ADGRG7: variants seen among roughly 807,000 people sequenced by gnomAD.
ADGRG7 encodes the protein G-protein coupled receptor 128.
ADGRG7 carries 82 observed loss-of-function variants against 88.6 expected under a neutral mutation model. That is an observed-to-expected ratio of 0.93 (90% confidence interval 0.77 to 1.11). The LOEUF (loss-of-function observed/expected upper bound fraction) is 1.11, where lower values mean the gene tolerates loss of function less well. Ranked by LOEUF, ADGRG7 falls within the 50% of genes most tolerant of loss-of-function variation. ADGRG7 has a pLI of 0.00. For missense variants in ADGRG7, 945 were observed against 953.4 expected, an observed-to-expected ratio of 0.99 and a Z score of 0.12; for synonymous variants, 381 against 345.2, an observed-to-expected ratio of 1.10 and a Z score of -1.15.
rs571602384 is a variant in ADGRG7, at chr3:100,620,233, G to T, written c.116-9365G>T. The stretch of plus-strand genomic sequence containing the variant: ...CCATGATCAAGTGGGCTTCATCCCT[G>T]GGATGCAAGGCTGGTTCAACATACG... On this transcript the variant is annotated intron_variant, in intron 1 of 15. Coordinates refer to ENST00000273352, the MANE Select transcript of ADGRG7 (RefSeq NM_032787.3). Among the ~76,000 whole-genome samples the T allele has an allele frequency of 1.9e-3, 287 of 152,290 alleles. 2 individuals carry two copies. The highest frequency in any genetic ancestry group is 6.6e-3 in the African/African-American group (275 of 41,556).
chr3:100,658,532 T>C (rs2094940597), intron 13 of ADGRG7, among the ~76,000 whole-genome samples: 1 of 152,202 alleles, frequency 6.6e-6, no homozygotes, highest in African/African-American at 2.4e-5. Context: ...CCACTTACTG[T>C]GGTTCAGCCA....
intron 15 of ADGRG7, among the ~76,000 whole-genome samples, chr3:100,685,651 T>G (rs1326853537): frequency 1.3e-5 from 2 of 152,180 alleles, no homozygotes; most frequent in Non-Finnish European, 2.9e-5. Flanking sequence ...TGCGATAGTT[T>G]GCTGAGAATG....
chr3:100,672,652 C>T (rs1051779899), intron 15 of ADGRG7, among the ~76,000 whole-genome samples: 20 of 152,252 alleles, frequency 1.3e-4, no homozygotes, highest in African/African-American at 4.3e-4. Context: ...AAAGGGAATG[C>T]TTCCAGTTTT....
chr3:100,631,582 G>A (rs748601501), intron 3 of ADGRG7, among the ~76,000 whole-genome samples: 6 of 152,118 alleles, frequency 3.9e-5, no homozygotes, highest in Non-Finnish European at 8.8e-5. Context: ...CAGGTAATTC[G>A]CTACTTCCTA....
intron 15 of ADGRG7, among the ~76,000 whole-genome samples, chr3:100,678,186 C>G (rs554329609): frequency 6.7e-4 from 102 of 152,052 alleles, no homozygotes; most frequent in Non-Finnish European, 1.0e-3. Context: ...ATTCTTTCTT[C>G]TGCTTGATTA....
intron 15 of ADGRG7, among the ~76,000 whole-genome samples, chr3:100,688,297 A>T (rs578043261): frequency 6.6e-6 from 1 of 152,178 alleles, no homozygotes; most frequent in East Asian, 1.9e-4. Flanking sequence ...CTAGTGGTCT[A>T]TCAATTTTGT....
intron 1 of ADGRG7, among the ~76,000 whole-genome samples, chr3:100,614,005 A>T (rs1005283087): frequency 6.6e-6 from 1 of 152,224 alleles, no homozygotes; most frequent in Non-Finnish European, 1.5e-5. Context: ...TTATGTGCAT[A>T]GTAGTAAACC....
rs944574813 is a variant in ADGRG7, at chr3:100,610,501, C to T, written c.115+530C>T. On this transcript the variant is annotated intron_variant, in intron 1 of 15. Transcript: ENST00000273352. The stretch of plus-strand genomic sequence containing the variant: ...CACTTTCCAGATGTAGGAAACTAAT[C>T]AAAAATTTAAAAACCATTTTTAAAT... 3.3e-5 allele frequency among the ~76,000 whole-genome samples: 5 copies of T among 152,204 alleles called. No individual in the cohort carries two copies. In the East Asian group the frequency reaches 9.6e-4, roughly 29 times the overall value.
chr3:100,652,935 C>A (rs2094931873), intron 11 of ADGRG7, among the ~76,000 whole-genome samples: 1 of 152,104 alleles, frequency 6.6e-6, no homozygotes, highest in South Asian at 2.1e-4. Flanking sequence ...TTTTAAAGAG[C>A]ACTTGGTTGT....
intron 15 of ADGRG7, among the ~76,000 whole-genome samples, chr3:100,681,257 A>T (rs1334768286): frequency 6.6e-6 from 1 of 151,160 alleles, no homozygotes. Context: ...GAATATCAAG[A>T]CTTTTAAATA....
chr3:100,624,024 T>C (rs1473454535), intron 1 of ADGRG7, among the ~76,000 whole-genome samples: 1 of 152,094 alleles, frequency 6.6e-6, no homozygotes, highest in Non-Finnish European at 1.5e-5. Flanking sequence ...GGTTCATGTG[T>C]CTTTATAGTG....
chr3:100,656,666 C>G (rs983009440), intron 13 of ADGRG7, among the ~76,000 whole-genome samples: 1 of 152,160 alleles, frequency 6.6e-6, no homozygotes, highest in African/African-American at 2.4e-5. Context: ...TTTATCCTCT[C>G]TTCTCATTTT....
intron 15 of ADGRG7, among the ~76,000 whole-genome samples, chr3:100,689,550 G>A (rs970619953): frequency 5.3e-5 from 8 of 152,168 alleles, no homozygotes; most frequent in Admixed American, 5.2e-4. Flanking sequence ...TCCTTCAGGA[G>A]CTCTTTTAGG....
chr3:100,629,814 A>G lies in ADGRG7; in HGVS notation c.229+103A>G, dbSNP rs965520068. 3 of 730,442 alleles carry G rather than the reference A, an allele frequency of 4.1e-6. No homozygotes were observed. In the African/African-American group the frequency reaches 5.3e-5, roughly 13 times the overall value. 45.2% of individuals were successfully genotyped at this position (730,442 alleles called of 1,614,324 possible). A position where few individuals can be genotyped will look rare whatever the true frequency, so the allele number is the denominator to read the frequency against. On this transcript the variant is annotated intron_variant, in intron 2 of 15. Transcript: ENST00000273352. ...GAAGCTTCAGTTAATGGTTACAGAAACAATGGACATAATGATGATGGCTTT... is the reference window on the plus strand; with the variant it reads ...GAAGCTTCAGTTAATGGTTACAGAAGCAATGGACATAATGATGATGGCTTT...
intron 15 of ADGRG7, among the ~76,000 whole-genome samples, chr3:100,683,538 C>T (rs750940030): frequency 1.1e-4 from 17 of 152,232 alleles, no homozygotes; most frequent in Admixed American, 6.5e-4. Context: ...CCTGCCCCAC[C>T]GCAGCTGGCA....
At chr3:100,637,432 C>A in intron 6 of ADGRG7, 30 bp downstream of exon 6, 1 of 1,478,438 alleles carries the variant, frequency 6.8e-7, no homozygotes, top group Non-Finnish European at 9.5e-7. Context: ...GGAAAGAAAA[C>A]TTGACTAAGG....
At chr3:100,677,332 C>G (rs2094966805) in intron 15 of ADGRG7, among the ~76,000 whole-genome samples, 1 of 152,040 alleles carries the variant, frequency 6.6e-6, no homozygotes, top group South Asian at 2.1e-4. Context: ...ATTGCATAAA[C>G]TAACAAACAA....
intron 15 of ADGRG7, among the ~76,000 whole-genome samples, chr3:100,690,129 T>G (rs2094990694): frequency 6.6e-6 from 1 of 152,254 alleles, no homozygotes; most frequent in Non-Finnish European, 1.5e-5. Flanking sequence ...TCATTTCATC[T>G]TCCATCGCTG....
rs557567298 is a variant in ADGRG7 at position 100,687,511 on chromosome 3, G to A, written c.2137-7233G>A. Among the ~76,000 whole-genome samples the A allele has an allele frequency of 6.5e-3, 994 of 152,192 alleles. 14 individuals are homozygous for A. The highest frequency in any genetic ancestry group is 0.021 in the African/African-American group (874 of 41,490). On this transcript the variant is annotated intron_variant, in intron 15 of 15. Transcript: ENST00000273352. ...CCATTCAGTATGATATTGGCTGTGC[G>A]TTTGTCATAGATAGCTCTTATTATT...
Sources: allele counts gnomAD v4.1 joint callset (sites outside exome capture counted in the v4.1 genomes callset), GRCh38; gene constraint gnomAD v4.1.1; transcripts MANE v1.5; gene names NCBI Gene and HGNC (gene_info 2026-07-23, HGNC 2026-07-21).